DAAM1: variants seen among roughly 807,000 people sequenced by gnomAD.
The protein encoded by DAAM1 is dishevelled associated activator of morphogenesis 1, also known as disheveled-associated activator of morphogenesis 1.
DAAM1 carries 52 observed loss-of-function variants against 130.0 expected under a neutral mutation model. That is an observed-to-expected ratio of 0.40 (90% CI 0.32 to 0.50). The LOEUF (loss-of-function observed/expected upper bound fraction) is 0.50, where lower values mean the gene tolerates loss of function less well. DAAM1 is among the 20% of genes least tolerant of loss of function. DAAM1 has a pLI of 0.61. For missense variants in DAAM1, 1,134 were observed against 1,303.8 expected (o/e 0.87, Z 2.01); for synonymous variants, 452 against 444.5 (o/e 1.02, Z -0.21).
At chr14:59,322,322 G>A (rs1885041530) in intron 5 of DAAM1, among the ~76,000 whole-genome samples, 1 of 151,798 alleles carries the variant, frequency 6.6e-6, no homozygotes, top group Non-Finnish European at 1.5e-5. Context: ...GACCAGTCTG[G>A]GCAACATAGC....
chr14:59,218,203 C>T (rs993564763), intron 1 of DAAM1, among the ~76,000 whole-genome samples: 2 of 152,180 alleles, frequency 1.3e-5, no homozygotes, highest in African/African-American at 2.4e-5. Flanking sequence ...TCACTAGCCA[C>T]GTGCAGGCTA....
intron 1 of DAAM1, among the ~76,000 whole-genome samples, chr14:59,227,789 C>T (rs934886575): frequency 3.9e-5 from 6 of 152,254 alleles, no homozygotes; most frequent in South Asian, 2.1e-4. Context: ...ACAGAGGACA[C>T]GTAGTCCAAA....
At chr14:59,226,631 C>T (rs1427726728) in intron 1 of DAAM1, among the ~76,000 whole-genome samples, 2 of 152,152 alleles carry the variant, frequency 1.3e-5, no homozygotes, top group Admixed American at 1.3e-4. Flanking sequence ...CAGGCAAAAA[C>T]AACAACAGAT....
At position 59,291,961 on chromosome 14, in the gene DAAM1, G is replaced by A. The variant is rs369564125; in HGVS notation, c.273+655G>A. On this transcript the variant is annotated intron_variant, in intron 3 of 24. Coordinates refer to ENST00000360909, the MANE Select transcript of DAAM1 (RefSeq NM_001270520.2). ...CAAGAGATGGGGAGAATGGATATAG[G>A]GGACAGTGAAACACCAAAGCTCTTC... Among the ~76,000 whole-genome samples the A allele has an allele frequency of 7.3e-4, 111 of 152,256 alleles. 1 individual carries two copies. The highest frequency in any genetic ancestry group is 3.4e-3 in the Middle Eastern group (1 of 294).
chr14:59,369,634 T>TAAAGA lies in DAAM1; in HGVS notation c.*777_*781dup, dbSNP rs934474211. ...ATATAAATGCAATCCATGCTTTTTT[T>TAAAGA]AAAGAACAACATTGCCAGAGTATGC... On this transcript the variant is annotated 3_prime_UTR_variant, in exon 25 of 25. Transcript: ENST00000360909. 3.4e-5 allele frequency: 5 copies of TAAAGA among 148,358 alleles called. No homozygotes were observed. The highest frequency in any genetic ancestry group is 6.8e-5 in the Admixed American group (1 of 14,606). 9.2% of individuals were successfully genotyped at this position (148,358 alleles called of 1,614,324 possible). A position where few individuals can be genotyped will look rare whatever the true frequency, so the allele number is the denominator to read the frequency against.
chr14:59,315,221 T>A, intron 3 of DAAM1, 59 bp from the exon 4 acceptor site: 1 of 1,501,150 alleles, frequency 6.7e-7, no homozygotes, highest in East Asian at 2.3e-5. Flanking sequence ...GTCGGATGTG[T>A]TTCTAGGTGC....
At chr14:59,314,009 T>A (rs767910155) in intron 3 of DAAM1, among the ~76,000 whole-genome samples, 1 of 152,246 alleles carries the variant, frequency 6.6e-6, no homozygotes, top group Non-Finnish European at 1.5e-5. Flanking sequence ...TTTGCCCCCT[T>A]GTTGTGACTA....
At chr14:59,366,558 C>T (rs953440310) in intron 23 of DAAM1, among the ~76,000 whole-genome samples, 3 of 152,146 alleles carry the variant, frequency 2.0e-5, no homozygotes, top group Admixed American at 2.0e-4. Flanking sequence ...GGGTGCTATA[C>T]CCTACAATAT....
intron 16 of DAAM1, among the ~76,000 whole-genome samples, chr14:59,343,445 C>A (rs565656717): frequency 5.3e-5 from 8 of 152,192 alleles, no homozygotes; most frequent in Non-Finnish European, 1.0e-4. Context: ...CCTACCTTCT[C>A]ACACTTACTA....
At chr14:59,296,960 G>T (rs1016053896) in intron 3 of DAAM1, among the ~76,000 whole-genome samples, 1 of 151,186 alleles carries the variant, frequency 6.6e-6, no homozygotes, top group Non-Finnish European at 1.5e-5. Context: ...GGCTTGTTTA[G>T]TCTGAGAAAG....
chr14:59,303,390 G>C (rs1884254031), intron 3 of DAAM1, among the ~76,000 whole-genome samples: 1 of 152,256 alleles, frequency 6.6e-6, no homozygotes, highest in South Asian at 2.1e-4. Flanking sequence ...GTGGTCCCCT[G>C]AGGGACATAC....
At chr14:59,325,433 T>C (rs1885169384) in intron 8 of DAAM1, among the ~76,000 whole-genome samples, 1 of 152,244 alleles carries the variant, frequency 6.6e-6, no homozygotes, top group African/African-American at 2.4e-5. Context: ...GCCTACTGTA[T>C]GCTAGGCATC....
intron 1 of DAAM1, among the ~76,000 whole-genome samples, chr14:59,223,690 ATGCAGAATATGT>A (rs1888849078): frequency 2.0e-5 from 3 of 152,212 alleles, no homozygotes. Context: ...ACACGCCCAA[ATGCAGAATATGT>A]TGCCTCCAAA....
intron 3 of DAAM1, among the ~76,000 whole-genome samples, chr14:59,306,011 A>G (rs1884367528): frequency 6.6e-6 from 1 of 152,108 alleles, no homozygotes; most frequent in Admixed American, 6.5e-5. Context: ...CTTTACTTTG[A>G]AGTTAGAGAT....
intron 1 of DAAM1, among the ~76,000 whole-genome samples, chr14:59,221,056 C>T (rs914727960): frequency 2.0e-5 from 3 of 152,210 alleles, no homozygotes; most frequent in Non-Finnish European, 4.4e-5. Context: ...TACACATCCC[C>T]TTAAACCATA....
intron 1 of DAAM1, among the ~76,000 whole-genome samples, chr14:59,228,655 G>A (rs1429652788): frequency 6.6e-6 from 1 of 152,140 alleles, no homozygotes. Flanking sequence ...CCAGAGAGTC[G>A]TATTTGTGTG....
In DAAM1 at chr14:59,331,915, C is replaced by T; in HGVS notation, c.1963C>T (p.Gln655Ter). The T allele has an allele frequency of 6.2e-7, 1 of 1,613,070 alleles. No homozygotes were observed. Among genetic ancestry groups the T allele is most frequent in the Non-Finnish European group, 8.5e-7 (1 of 1,179,346 alleles). Residue 655 changes from glutamine to a stop codon, truncating the protein, a stop_gained, in exon 15 of 25, where the codon CAG (glutamine) becomes TAG (stop). Coordinates refer to ENST00000360909, the MANE Select transcript of DAAM1 (RefSeq NM_001270520.2). LOFTEE classifies it high-confidence loss of function. ...LERTFSAYQR[Q>*]QKEADAIDDT... is the part of the protein sequence containing the mutation. ...AAGAACCTTCTCTGCCTATCAAAGA[C>T]AGCAGGTAACAGCATATGCCCTCCA...
chr14:59,197,046 G>T (rs1444776373), intron 1 of DAAM1, among the ~76,000 whole-genome samples: 1 of 151,926 alleles, frequency 6.6e-6, no homozygotes, highest in Admixed American at 6.6e-5. Flanking sequence ...TCGGCCTCCC[G>T]GGTAGCTGGG....
rs532141222 is a variant in DAAM1, at chr14:59,369,611, A to G, written c.*752A>G. 7.3e-6 allele frequency: 1 copy of G among 137,614 alleles called. No individual in the cohort carries two copies. Among genetic ancestry groups the G allele is most frequent in the African/African-American group, 2.4e-5 (1 of 40,914 alleles). The allele number at this position is 137,614 out of a possible 1,614,324, so 8.5% of individuals were successfully genotyped here. On this transcript the variant is annotated 3_prime_UTR_variant, in exon 25 of 25. Coordinates refer to ENST00000360909, the MANE Select transcript of DAAM1 (RefSeq NM_001270520.2). ...TCAGATTTTTGGAAAAAAACACTAT[A>G]TAAATGCAATCCATGCTTTTTTTAA...
Sources: gnomAD v4.1 joint callset for allele counts (sites outside exome capture counted in the v4.1 genomes callset) on GRCh38, gnomAD v4.1.1 for gene constraint, MANE v1.5 for transcripts, NCBI Gene and HGNC (gene_info 2026-07-23, HGNC 2026-07-21) for gene names.